The following GSG1L variants were observed in gnomAD, a reference collection of about 807,000 sequenced individuals.
The protein encoded by GSG1L is germ cell-specific gene 1-like protein.
In GSG1L, 24 loss-of-function variants were observed where a neutral mutation model predicts 42.1. The observed-to-expected ratio is 0.57, with a 90% CI of 0.41 to 0.80. GSG1L has a LOEUF of 0.80. Among genes scored for constraint, GSG1L ranks in the 30% least tolerant of loss-of-function variants. The pLI, the probability that GSG1L is intolerant of heterozygous loss-of-function variation, is 0.00. For missense variants in GSG1L, 445 were observed against 472.2 expected (o/e 0.94, Z 0.53); for synonymous variants, 215 against 203.5 (o/e 1.06, Z -0.48).
chr16:27,983,478 G>A (rs2085346789), intron 1 of GSG1L, among the ~76,000 whole-genome samples: 1 of 152,218 alleles, frequency 6.6e-6, no homozygotes, highest in Non-Finnish European at 1.5e-5. Flanking sequence ...TAATACATGT[G>A]AGGCACGTGG....
chr16:27,895,609 C>T (rs1050732868), intron 2 of GSG1L, among the ~76,000 whole-genome samples: 30 of 152,170 alleles, frequency 2.0e-4, no homozygotes, highest in African/African-American at 7.0e-4. Flanking sequence ...ACATTCAGCT[C>T]AGACGCCTGA....
intron 2 of GSG1L, among the ~76,000 whole-genome samples, chr16:27,944,073 G>T (rs2084835723): frequency 6.6e-6 from 1 of 152,146 alleles, no homozygotes. Context: ...CTCCCCTGGG[G>T]AAAGGGATTT....
intron 1 of GSG1L, among the ~76,000 whole-genome samples, chr16:27,990,031 C>A (rs371792078): frequency 2.0e-5 from 3 of 152,104 alleles, no homozygotes; most frequent in East Asian, 3.9e-4. Flanking sequence ...GGAGATGATA[C>A]CATTAGGCTA....
chr16:27,922,244 C>CTT (rs1021086206), intron 2 of GSG1L, among the ~76,000 whole-genome samples: 2 of 152,072 alleles, frequency 1.3e-5, no homozygotes, highest in African/African-American at 4.8e-5. Context: ...GTTTTTCTCT[C>CTT]TTTATCATTC....
At chr16:27,960,368 C>T (rs559498770) in intron 2 of GSG1L, among the ~76,000 whole-genome samples, 1 of 152,290 alleles carries the variant, frequency 6.6e-6, no homozygotes, top group African/African-American at 2.4e-5. Context: ...GCCAAGTTCT[C>T]AGCATAGCAC....
intron 2 of GSG1L, among the ~76,000 whole-genome samples, chr16:27,898,293 T>C (rs1234735971): frequency 6.6e-6 from 1 of 152,172 alleles, no homozygotes; most frequent in Non-Finnish European, 1.5e-5. Flanking sequence ...AGTAGGAACC[T>C]GGTGGGAAGA....
intron 2 of GSG1L, among the ~76,000 whole-genome samples, chr16:27,887,393 G>T (rs1043618801): frequency 3.3e-5 from 5 of 152,230 alleles, no homozygotes; most frequent in African/African-American, 1.2e-4. Flanking sequence ...GAGGAAGATT[G>T]CGTCCTGATG....
Position 28,058,410 on chromosome 16 carries a change from C to A in GSG1L, c.349+4666G>T, listed in dbSNP as rs138335596. 7.6e-3 allele frequency among the ~76,000 whole-genome samples: 1,153 copies of A among 152,276 alleles called. 17 individuals carry two copies. Among genetic ancestry groups the A allele is most frequent in the African/African-American group, 0.026 (1,069 of 41,556 alleles). On this transcript the variant is annotated intron_variant, in intron 1 of 6. Coordinates refer to ENST00000447459, the MANE Select transcript of GSG1L (RefSeq NM_001109763.2). Reference sequence around the variant, plus strand: ...TTGGGAGGCCGAGGCAAGCGGATCGCTTGAGGCCAGGAATTTGAGACCATC... The same window carrying A: ...TTGGGAGGCCGAGGCAAGCGGATCGATTGAGGCCAGGAATTTGAGACCATC...
intron 2 of GSG1L, among the ~76,000 whole-genome samples, chr16:27,901,573 C>A (rs770980613): frequency 6.6e-6 from 1 of 152,218 alleles, no homozygotes; most frequent in Non-Finnish European, 1.5e-5. Flanking sequence ...TGTTAAAATG[C>A]AGATTCCTGG....
At chr16:27,991,781 G>A (rs1420204614) in intron 1 of GSG1L, among the ~76,000 whole-genome samples, 1 of 152,086 alleles carries the variant, frequency 6.6e-6, no homozygotes, top group East Asian at 1.9e-4. Flanking sequence ...CAAAATCGTG[G>A]TATTCCAAAG....
At chr16:27,847,103 T>C (rs1013119184) in intron 3 of GSG1L, among the ~76,000 whole-genome samples, 1 of 152,216 alleles carries the variant, frequency 6.6e-6, no homozygotes, top group African/African-American at 2.4e-5. Flanking sequence ...AAGAGACTTT[T>C]TGGTGAGTTA....
At chr16:27,872,239 C>T (rs1375331796) in intron 3 of GSG1L, among the ~76,000 whole-genome samples, 3 of 152,102 alleles carry the variant, frequency 2.0e-5, no homozygotes, top group South Asian at 2.1e-4. Context: ...GGAGACCATG[C>T]GTACTGAAGT....
chr16:27,897,655 G>A (rs187889094), intron 2 of GSG1L, among the ~76,000 whole-genome samples: 357 of 152,226 alleles, frequency 2.3e-3, no homozygotes, highest in African/African-American at 8.1e-3. Flanking sequence ...AGCCCGCACT[G>A]TGGCCCCCAC....
chr16:27,938,190 T>C (rs1302900215), intron 2 of GSG1L, among the ~76,000 whole-genome samples: 2 of 151,830 alleles, frequency 1.3e-5, no homozygotes, highest in African/African-American at 4.8e-5. Flanking sequence ...GAGGCAATGA[T>C]TGGCACCACT....
intron 1 of GSG1L, among the ~76,000 whole-genome samples, chr16:28,035,680 A>G (rs1055895748): frequency 3.9e-5 from 6 of 152,318 alleles, no homozygotes; most frequent in South Asian, 2.1e-4. Context: ...TTCAAGTCTT[A>G]CTCAAAGTTT....
chr16:27,991,321 T>C (rs1021503211), intron 1 of GSG1L, among the ~76,000 whole-genome samples: 2 of 101,946 alleles, frequency 2.0e-5, no homozygotes, highest in Non-Finnish European at 3.9e-5. Context: ...GAATAGGTTC[T>C]CTGTTTTTTG....
chr16:27,949,598 C>A (rs1013994276), intron 2 of GSG1L, among the ~76,000 whole-genome samples: 1 of 151,934 alleles, frequency 6.6e-6, no homozygotes, highest in Admixed American at 6.6e-5. Flanking sequence ...CCAGCCTGGA[C>A]GATAGAGTGA....
At chr16:28,008,862 A>G (rs761112218) in intron 1 of GSG1L, among the ~76,000 whole-genome samples, 1 of 152,156 alleles carries the variant, frequency 6.6e-6, no homozygotes, top group Non-Finnish European at 1.5e-5. Flanking sequence ...AGGCTGGAGT[A>G]CAGTGGCGGG....
intron 1 of GSG1L, among the ~76,000 whole-genome samples, chr16:27,979,727 GAAAGAAA>G (rs2085300541): frequency 2.2e-4 from 5 of 22,802 alleles, no homozygotes; most frequent in African/African-American, 9.0e-4. Context: ...AGGAAGGAAG[GAAAGAAA>G]AAGAAAGAAA....
Sources: allele counts gnomAD v4.1 joint callset (sites outside exome capture counted in the v4.1 genomes callset), GRCh38; gene constraint gnomAD v4.1.1; transcripts MANE v1.5; gene names NCBI Gene and HGNC (gene_info 2026-07-23, HGNC 2026-07-21).